CLTC: variants seen among roughly 807,000 people sequenced by gnomAD.
CLTC encodes the protein clathrin heavy chain 1.
In CLTC, 16 loss-of-function variants were observed where a neutral mutation model predicts 195.8. The ratio of observed to expected loss-of-function variants is 0.08; its 90% CI spans 0.06 to 0.12. CLTC has a LOEUF of 0.12. Ranked by LOEUF, CLTC falls within the 10% of genes least tolerant of loss-of-function variation. The pLI is 1.00. For missense variants in CLTC, 796 were observed against 2,027.0 expected (o/e 0.39, Z 11.66); for synonymous variants, 667 against 689.4 (o/e 0.97, Z 0.51).
At chr17:59,664,563 A>G (rs1259386407) in intron 9 of CLTC, 37 of 289,950 alleles carry the variant, frequency 1.3e-4, no homozygotes, top group African/African-American at 2.8e-4. Flanking sequence ...AAAAAAAAAA[A>G]AAAAGAAAAG....
intron 6 of CLTC, among the ~76,000 whole-genome samples, chr17:59,658,027 C>T (rs1361432551): frequency 1.3e-5 from 2 of 151,822 alleles, no homozygotes; most frequent in African/African-American, 2.4e-5. Flanking sequence ...GGTGAAACCT[C>T]GTCTCTACTA....
chr17:59,625,961 T>G (rs2031538287), intron 1 of CLTC, among the ~76,000 whole-genome samples: 1 of 152,206 alleles, frequency 6.6e-6, no homozygotes, highest in Non-Finnish European at 1.5e-5. Flanking sequence ...TACGTAGCAT[T>G]TTAGGAGCAT....
rs1442834457 is a variant in CLTC, at chr17:59,660,583, C to T, written c.1162C>T (p.Pro388Ser). 5.0e-6 allele frequency: 8 copies of T among 1,613,536 alleles called. No individual in the cohort carries two copies. The highest frequency in any genetic ancestry group is 6.8e-6 in the Non-Finnish European group (8 of 1,179,690). Residue 388 changes from proline (P) to serine (S), a missense_variant, in exon 7 of 32, where the codon CCA becomes TCA. Physicochemically the swap from Pro to Ser is moderately conservative, Grantham distance 74 (BLOSUM62 -1). Coordinates refer to ENST00000269122, the MANE Select transcript of CLTC (RefSeq NM_004859.4). The part of the protein sequence containing the change: ...SEAAKVAANA[P>S]KGILRTPDTI... ...GGCAGCAAAGGTGGCTGCTAATGCA[C>T]CAAAGGTAAAGAGTTATGAAAATGA...
At chr17:59,645,711 C>T (rs577031981) in intron 2 of CLTC, among the ~76,000 whole-genome samples, 13 of 152,208 alleles carry the variant, frequency 8.5e-5, no homozygotes, top group South Asian at 4.1e-4. Flanking sequence ...TTGGGTAGGA[C>T]TAGGATATTC....
In CLTC at chr17:59,634,762, A is replaced by G. The variant is rs567503411; in HGVS notation, c.43-9514A>G. ...GAAATCTGTGGAGCCTACAGAAAAC[A>G]GTGGTTGGTATCCTGTTGATGGAAG... On this transcript the variant is annotated intron_variant, in intron 1 of 31. Transcript: ENST00000269122. Among the ~76,000 whole-genome samples the G allele has an allele frequency of 3.3e-5, 5 of 152,366 alleles. No homozygotes were observed. In the East Asian group the frequency reaches 7.7e-4, roughly 23 times the overall value.
rs1321636599 is a variant in CLTC at position 59,682,670 on chromosome 17, T to C, written c.3642T>C (p.Ala1214=). The change falls in exon 23 of 32, where the codon GCT becomes GCC. Residue 1214 remains alanine (A), a synonymous_variant. Transcript: ENST00000269122. The surrounding 1 kb of genome is among the most constrained non-coding windows in gnomAD (Gnocchi z 6.8). ...ATGATGAAAAAATGTATGATGCTGCTAAGTTGTTGTACAATAATGTTTCCA... is the reference window on the plus strand; with the variant it reads ...ATGATGAAAAAATGTATGATGCTGCCAAGTTGTTGTACAATAATGTTTCCA... ...RCYDEKMYDA[A]KLLYNNVSNF... 1 of 1,614,026 alleles carries C rather than the reference T, an allele frequency of 6.2e-7. No homozygotes were observed. Among genetic ancestry groups the C allele is most frequent in the African/African-American group, 1.3e-5 (1 of 74,922 alleles).
chr17:59,640,714 T>C (rs115927866), intron 1 of CLTC, among the ~76,000 whole-genome samples: 1,940 of 152,114 alleles, frequency 0.013, 35 homozygotes, highest in African/African-American at 0.043. Flanking sequence ...TCCTGTCTTT[T>C]TTTCCTCACA....
intron 1 of CLTC, among the ~76,000 whole-genome samples, chr17:59,622,106 A>G (rs1373821537): frequency 2.0e-5 from 3 of 152,228 alleles, no homozygotes; most frequent in Non-Finnish European, 4.4e-5. Context: ...GACAAATTTA[A>G]TACATGTCTG....
chr17:59,668,513 G>A (rs1598229367), intron 13 of CLTC, among the ~76,000 whole-genome samples: 3 of 152,250 alleles, frequency 2.0e-5, no homozygotes, highest in East Asian at 3.9e-4. Flanking sequence ...TCGTGCCACT[G>A]CACTCCAGCC....
chr17:59,641,999 G>GTTTTT (rs398031234), intron 1 of CLTC, among the ~76,000 whole-genome samples: 1 of 128,684 alleles, frequency 7.8e-6, no homozygotes, highest in African/African-American at 2.9e-5. Flanking sequence ...AATCTTTGTT[G>GTTTTT]TTTTTTTTTT....
At chr17:59,639,201 A>C (rs1012152189) in intron 1 of CLTC, among the ~76,000 whole-genome samples, 1 of 152,188 alleles carries the variant, frequency 6.6e-6, no homozygotes, top group African/African-American at 2.4e-5. Flanking sequence ...GGGCGGAGGA[A>C]ATACATACTT....
Position 59,644,259 on chromosome 17 carries a change from C to A in CLTC, c.43-17C>A, listed in dbSNP as rs200579713. The stretch of plus-strand genomic sequence containing the variant: ...TGGAATCCACTTGGTAACATGGTTT[C>A]TTATTATTTTTTCTAGCTCCAGAAC... On this transcript the variant is annotated splice_polypyrimidine_tract_variant and intron_variant, in intron 1 of 31. Coordinates refer to ENST00000269122, the MANE Select transcript of CLTC (RefSeq NM_004859.4). The A allele has an allele frequency of 5.3e-4, 848 of 1,607,750 alleles. No homozygotes were observed. The highest frequency in any genetic ancestry group is 6.7e-4 in the Non-Finnish European group (792 of 1,176,404).
In CLTC at chr17:59,681,287, T is replaced by A. The variant is rs202002188; in HGVS notation, c.3066-8T>A. 1.3e-6 allele frequency: 2 copies of A among 1,585,998 alleles called. No individual in the cohort carries two copies. Among genetic ancestry groups the A allele is most frequent in the African/African-American group, 2.7e-5 (2 of 73,414 alleles). On this transcript the variant is annotated splice_region_variant and splice_polypyrimidine_tract_variant and intron_variant, in intron 19 of 31. Coordinates refer to ENST00000269122, the MANE Select transcript of CLTC (RefSeq NM_004859.4). This position sits in a 1 kb window ranked among gnomAD's most constrained non-coding sequence, Gnocchi z 5.0. ...ATTGCATTTAAAATATTCTTTTTTT[T>A]CTTAAAGGAATCTGCAAAACCTCCT...
At position 59,683,054 on chromosome 17, in the gene CLTC, A is replaced by G. The variant is rs900976804; in HGVS notation, c.3873+40A>G. 107 of 1,613,786 alleles carry G rather than the reference A, an allele frequency of 6.6e-5. No homozygotes were observed. The highest frequency in any genetic ancestry group is 8.1e-5 in the Non-Finnish European group (96 of 1,179,864). On this transcript the variant is annotated intron_variant, in intron 24 of 31. Transcript: ENST00000269122. The surrounding 1 kb of genome is among the most constrained non-coding windows in gnomAD (Gnocchi z 6.1). ...TTTATATGACCTGAGATCTTTTACC[A>G]TAGATATTCTTATCTTTAACTGCAC...
At chr17:59,655,132 A>G (rs1409888290) in intron 5 of CLTC, among the ~76,000 whole-genome samples, 3 of 152,232 alleles carry the variant, frequency 2.0e-5, no homozygotes, top group South Asian at 4.1e-4. Context: ...GGCCTTGGAC[A>G]TGTCTTTTTC....
At position 59,682,885 on chromosome 17, in the gene CLTC, A is replaced by G. The variant is rs781112643; in HGVS notation, c.3766-22A>G. 6.2e-7 allele frequency: 1 copy of G among 1,612,626 alleles called. No individual in the cohort carries two copies. The highest frequency in any genetic ancestry group is 8.5e-7 in the Non-Finnish European group (1 of 1,179,022). On this transcript the variant is annotated intron_variant, in intron 23 of 31. Coordinates refer to ENST00000269122, the MANE Select transcript of CLTC (RefSeq NM_004859.4). The surrounding 1 kb of genome is among the most constrained non-coding windows in gnomAD (Gnocchi z 6.8). Reference sequence around the variant, plus strand: ...AGCCATGTTTTACATTTGAGTTCACAGAAAGGAAATGTTTATTCTAGGTCT... The same window carrying G: ...AGCCATGTTTTACATTTGAGTTCACGGAAAGGAAATGTTTATTCTAGGTCT...
chr17:59,652,772 G>A (rs1362188194), intron 5 of CLTC, among the ~76,000 whole-genome samples: 1 of 152,142 alleles, frequency 6.6e-6, no homozygotes, highest in African/African-American at 2.4e-5. Context: ...TAGGATTTTT[G>A]GAATAGCAGA....
chr17:59,689,256 T>C (rs1415641895), intron 30 of CLTC: 1 of 152,194 alleles, frequency 6.6e-6, no homozygotes, highest in Admixed American at 6.5e-5. Context: ...ATTAGACTCA[T>C]ATTTATGGTA....
chr17:59,692,899 C>T (rs1009596420), intron 31 of CLTC, among the ~76,000 whole-genome samples: 1 of 151,996 alleles, frequency 6.6e-6, no homozygotes, highest in Non-Finnish European at 1.5e-5. Context: ...CGGCCTCCCA[C>T]GGTGCTGGGA....
Sources: allele counts gnomAD v4.1 joint callset (sites outside exome capture counted in the v4.1 genomes callset), GRCh38; gene constraint gnomAD v4.1.1; non-coding constraint Gnocchi (gnomAD v3.1); transcripts MANE v1.5; gene names NCBI Gene and HGNC (gene_info 2026-07-23, HGNC 2026-07-21).